MKLN1: variants seen among roughly 807,000 people sequenced by gnomAD.
MKLN1 encodes muskelin 1.
In MKLN1, 18 loss-of-function variants were observed where a neutral mutation model predicts 99.0. The observed-to-expected ratio is 0.18, with a 90% CI of 0.13 to 0.27. The LOEUF is 0.27. MKLN1 is among the 10% of genes least tolerant of loss of function. MKLN1 has a pLI of 1.00. For missense variants in MKLN1, 621 were observed against 875.9 expected, an observed-to-expected ratio of 0.71 and a Z score of 3.67; for synonymous variants, 288 against 293.2, an observed-to-expected ratio of 0.98 and a Z score of 0.18.
chr7:131,272,835 G>A (rs1584882087), intron 3 of MKLN1, among the ~76,000 whole-genome samples: 1 of 152,118 alleles, frequency 6.6e-6, no homozygotes, highest in African/African-American at 2.4e-5. Context: ...AGCCCCCATG[G>A]TTCAATTACC....
Position 131,494,722 on chromosome 7 carries a change from C to T in MKLN1, c.*6994C>T, listed in dbSNP as rs1296516578. 6.6e-6 allele frequency: 1 copy of T among 152,068 alleles called. No individual in the cohort carries two copies. The highest frequency in any genetic ancestry group is 2.4e-5 in the African/African-American group (1 of 41,390). 9.4% of individuals were successfully genotyped at this position (152,068 alleles called of 1,614,324 possible). On this transcript the variant is annotated 3_prime_UTR_variant, in exon 18 of 18. Coordinates refer to ENST00000352689, the MANE Select transcript of MKLN1 (RefSeq NM_013255.5). ...TCCTAAGCATTACAATTAGCCTGGG[C>T]AAGAGGTGTTATGATTGTCTTATTC...
At chr7:131,398,953 A>C (rs73153491) in intron 5 of MKLN1, among the ~76,000 whole-genome samples, 28,702 of 152,148 alleles carry the variant, frequency 0.19, 3,575 homozygotes, top group Non-Finnish European at 0.27. Flanking sequence ...TTTAAGAAAT[A>C]GATGTTCTCC....
intron 6 of MKLN1, among the ~76,000 whole-genome samples, chr7:131,405,523 C>T (rs1430925333): frequency 1.3e-5 from 2 of 152,068 alleles, no homozygotes; most frequent in Non-Finnish European, 2.9e-5. Context: ...TTTATAACAA[C>T]TTTTTAAGCC....
chr7:131,349,513 C>A (rs1799658618), intron 1 of MKLN1, among the ~76,000 whole-genome samples: 1 of 152,128 alleles, frequency 6.6e-6, no homozygotes, highest in African/African-American at 2.4e-5. Flanking sequence ...TCTAATCCCT[C>A]TGTGAATATA....
intron 3 of MKLN1, among the ~76,000 whole-genome samples, chr7:131,216,856 A>G (rs1295599763): frequency 6.6e-6 from 1 of 152,182 alleles, no homozygotes; most frequent in Non-Finnish European, 1.5e-5. Flanking sequence ...TGCCTTTTTC[A>G]TCCTGTGCCT....
intron 3 of MKLN1, among the ~76,000 whole-genome samples, chr7:131,247,982 G>A (rs571718022): frequency 7.2e-5 from 11 of 152,146 alleles, no homozygotes; most frequent in Admixed American, 3.9e-4. Flanking sequence ...CACTGCAGCC[G>A]TGAACTCTCG....
intron 3 of MKLN1, among the ~76,000 whole-genome samples, chr7:131,247,228 C>CTTTTTTCTT (rs1286066434): frequency 3.1e-5 from 3 of 97,466 alleles, no homozygotes; most frequent in East Asian, 2.1e-3. Context: ...TCTTCTTTTT[C>CTTTTTTCTT]TTTTTTCTTT....
chr7:131,210,568 T>A (rs1796885719), intron 3 of MKLN1, among the ~76,000 whole-genome samples: 1 of 142,386 alleles, frequency 7.0e-6, no homozygotes, highest in Non-Finnish European at 1.5e-5. Context: ...CCAGGCATGG[T>A]GGTGCACACC....
chr7:131,179,809 T>C (rs1432539500), intron 2 of MKLN1, among the ~76,000 whole-genome samples: 1 of 152,028 alleles, frequency 6.6e-6, no homozygotes, highest in African/African-American at 2.4e-5. Context: ...CTCCTGTCCT[T>C]GTGATCCGCC....
intron 1 of MKLN1, among the ~76,000 whole-genome samples, chr7:131,362,340 A>T (rs1173329511): frequency 6.6e-6 from 1 of 152,038 alleles, no homozygotes; most frequent in Non-Finnish European, 1.5e-5. Context: ...ATTGACAGAA[A>T]CATAATGCGG....
At chr7:131,395,888 A>C (rs1794345025) in intron 4 of MKLN1, among the ~76,000 whole-genome samples, 1 of 151,750 alleles carries the variant, frequency 6.6e-6, no homozygotes, top group Admixed American at 6.6e-5. Context: ...TATTCACTAA[A>C]ATTTTATATT....
chr7:131,410,200 A>G (rs1794835453), intron 6 of MKLN1, among the ~76,000 whole-genome samples: 1 of 152,150 alleles, frequency 6.6e-6, no homozygotes, highest in South Asian at 2.1e-4. Context: ...TAACAACTTA[A>G]GTAGATTATG....
At chr7:131,182,969 C>A (rs1239551653) in intron 2 of MKLN1, among the ~76,000 whole-genome samples, 2 of 152,116 alleles carry the variant, frequency 1.3e-5, no homozygotes. Context: ...GGTTGGTTTG[C>A]TTAAATGTCA....
chr7:131,409,270 G>C (rs1031475600), intron 6 of MKLN1, among the ~76,000 whole-genome samples: 1 of 152,204 alleles, frequency 6.6e-6, no homozygotes, highest in African/African-American at 2.4e-5. Context: ...GGCCTTATTA[G>C]CAAGCGTTTG....
chr7:131,164,187 C>T (rs142536900), intron 2 of MKLN1, among the ~76,000 whole-genome samples: 1 of 152,218 alleles, frequency 6.6e-6, no homozygotes, highest in Admixed American at 6.5e-5. Flanking sequence ...TCTAAGCTCA[C>T]TGCAACCTCT....
chr7:131,344,334 C>T (rs1799491970), intron 1 of MKLN1, among the ~76,000 whole-genome samples: 2 of 152,042 alleles, frequency 1.3e-5, no homozygotes, highest in South Asian at 4.1e-4. Flanking sequence ...ATATAGGATC[C>T]TATGTCCCAT....
At chr7:131,220,293 TC>T in intron 3 of MKLN1, among the ~76,000 whole-genome samples, 1 of 152,146 alleles carries the variant, frequency 6.6e-6, no homozygotes, top group Non-Finnish European at 1.5e-5. Context: ...ATTCTCTTTC[TC>T]CCCACTCCCA....
intron 2 of MKLN1, among the ~76,000 whole-genome samples, chr7:131,202,288 T>G (rs1373234994): frequency 6.6e-6 from 1 of 151,666 alleles, no homozygotes; most frequent in Admixed American, 6.6e-5. Flanking sequence ...GCTAATTTTT[T>G]GTATTTTAGT....
At chr7:131,233,625 G>C (rs933662175) in intron 3 of MKLN1, among the ~76,000 whole-genome samples, 11 of 151,476 alleles carry the variant, frequency 7.3e-5, no homozygotes, top group African/African-American at 2.2e-4. Flanking sequence ...GTTACTTTAG[G>C]AACATAAAAA....
Sources: allele counts gnomAD v4.1 joint callset (sites outside exome capture counted in the v4.1 genomes callset), GRCh38; gene constraint gnomAD v4.1.1; transcripts MANE v1.5; gene names NCBI Gene and HGNC (gene_info 2026-07-23, HGNC 2026-07-21).